Variants in CDH12 observed in about 807,000 individuals in gnomAD.
The protein encoded by CDH12 is cadherin-12.
Under a neutral mutation model 74.1 loss-of-function variants are expected in CDH12, and 41 were observed. The observed-to-expected ratio is 0.55, with a 90% CI of 0.43 to 0.72. CDH12 has a LOEUF of 0.72. Ranked by LOEUF, CDH12 falls within the 30% of genes least tolerant of loss-of-function variation. CDH12 has a pLI of 0.00. For synonymous variants in CDH12, 399 were observed against 355.0 expected, an observed-to-expected ratio of 1.12 and a Z score of -1.39; for missense variants, 945 against 977.2, an observed-to-expected ratio of 0.97 and a Z score of 0.44.
chr5:21,762,503 C>A (rs1388314217), intron 12 of CDH12, among the ~76,000 whole-genome samples: 1 of 152,036 alleles, frequency 6.6e-6, no homozygotes, highest in African/African-American at 2.4e-5. Context: ...ATATACATTT[C>A]TCATATATTA....
At chr5:22,238,938 C>T (rs1242685146) in intron 3 of CDH12, among the ~76,000 whole-genome samples, 2 of 152,154 alleles carry the variant, frequency 1.3e-5, no homozygotes, top group East Asian at 3.9e-4. Context: ...AGTATAACTA[C>T]ATATTAAATC....
intron 5 of CDH12, among the ~76,000 whole-genome samples, chr5:22,045,757 C>T (rs905784202): frequency 4.6e-5 from 7 of 151,928 alleles, no homozygotes; most frequent in South Asian, 2.1e-4. Context: ...CTCATGGAGG[C>T]GAAAGCAGAA....
chr5:22,308,338 C>T (rs1452530670), intron 3 of CDH12, among the ~76,000 whole-genome samples: 2 of 152,126 alleles, frequency 1.3e-5, no homozygotes, highest in Non-Finnish European at 2.9e-5. Context: ...AGACATTTCC[C>T]TAAGGATCAT....
chr5:21,841,559 G>A (rs1282500912), intron 8 of CDH12, among the ~76,000 whole-genome samples: 3 of 148,442 alleles, frequency 2.0e-5, no homozygotes, highest in Non-Finnish European at 3.0e-5. Flanking sequence ...ACATGCACAC[G>A]TATGTTTATT....
chr5:22,373,717 T>A (rs999275212), intron 3 of CDH12, among the ~76,000 whole-genome samples: 1 of 152,152 alleles, frequency 6.6e-6, no homozygotes, highest in Admixed American at 6.5e-5. Context: ...GAGACCACAC[T>A]CCTGCATGTA....
At position 22,665,916 on chromosome 5, in the gene CDH12, C is replaced by CT. The variant is rs199948826; in HGVS notation, c.-522-160553dup. Among the ~76,000 whole-genome samples, 1,183 of 151,564 alleles carry CT rather than the reference C, an allele frequency of 7.8e-3. 11 individuals are homozygous for CT. Among genetic ancestry groups the CT allele is most frequent in the African/African-American group, 0.024 (1,012 of 41,366 alleles). On this transcript the variant is annotated intron_variant, in intron 1 of 14. Transcript: ENST00000382254. Reference sequence around the variant, plus strand: ...TCATGGTGAAATGTTGAAGCTATTTCTTTTTTTTTCTTATGCAATCTCCTT... The same window carrying CT: ...TCATGGTGAAATGTTGAAGCTATTTCTTTTTTTTTTCTTATGCAATCTCCTT...
chr5:22,333,621 A>C (rs1250115794), intron 3 of CDH12, among the ~76,000 whole-genome samples: 1 of 152,198 alleles, frequency 6.6e-6, no homozygotes, highest in Non-Finnish European at 1.5e-5. Flanking sequence ...GGACACTATC[A>C]AATGCATTCT....
intron 3 of CDH12, among the ~76,000 whole-genome samples, chr5:22,322,925 A>G (rs139618615): frequency 0.013 from 1,959 of 152,294 alleles, 24 homozygotes; most frequent in Middle Eastern, 0.02. Context: ...ACTGAATTAA[A>G]ATATGATTTA....
At chr5:22,716,957 A>G (rs1366002181) in intron 1 of CDH12, among the ~76,000 whole-genome samples, 2 of 152,214 alleles carry the variant, frequency 1.3e-5, no homozygotes, top group Non-Finnish European at 2.9e-5. Flanking sequence ...GTATAGCTGT[A>G]CAATGTGTTT....
intron 1 of CDH12, among the ~76,000 whole-genome samples, chr5:22,787,797 G>A (rs1301894265): frequency 2.6e-5 from 4 of 152,118 alleles, no homozygotes; most frequent in Non-Finnish European, 1.5e-5. Flanking sequence ...TCACTCGCTG[G>A]TTTCCAGAGT....
At position 22,453,545 on chromosome 5, in the gene CDH12, A is replaced by T. The variant is rs144753719; in HGVS notation, c.-427-48194T>A. 3.1e-3 allele frequency among the ~76,000 whole-genome samples: 475 copies of T among 152,262 alleles called. 9 individuals carry two copies. The highest frequency in any genetic ancestry group is 2.5e-3 in the East Asian group (13 of 5,188). ...ATCTGTAAAATGATGATCCCATAGAAGTAGAGCATTAAATAGTGGTTACCA... is the reference window on the plus strand; with the variant it reads ...ATCTGTAAAATGATGATCCCATAGATGTAGAGCATTAAATAGTGGTTACCA... On this transcript the variant is annotated intron_variant, in intron 2 of 14. Transcript: ENST00000382254.
At position 21,833,344 on chromosome 5, in the gene CDH12, C is replaced by T. The variant is rs544359723; in HGVS notation, c.814+8817G>A. The stretch of plus-strand genomic sequence containing the variant: ...ATAATATATATTATATATTATATAA[C>T]ATATAATATATATTATATATTATAT... On this transcript the variant is annotated intron_variant, in intron 8 of 14. Transcript: ENST00000382254. Among the ~76,000 whole-genome samples the T allele has an allele frequency of 7.3e-3, 229 of 31,562 alleles. 21 individuals carry two copies. Among genetic ancestry groups the T allele is most frequent in the Non-Finnish European group, 8.8e-3 (180 of 20,454 alleles). The allele number at this position is 31,562 out of a possible 152,430, so 20.7% of individuals were successfully genotyped here.
At chr5:22,165,289 T>G (rs1748616065) in intron 4 of CDH12, among the ~76,000 whole-genome samples, 1 of 152,172 alleles carries the variant, frequency 6.6e-6, no homozygotes, top group Non-Finnish European at 1.5e-5. Context: ...CCCTTCACTT[T>G]CTCCATGACA....
chr5:22,341,724 C>T (rs79555601), intron 3 of CDH12, among the ~76,000 whole-genome samples: 3,549 of 152,158 alleles, frequency 0.023, 61 homozygotes, highest in Non-Finnish European at 0.037. Context: ...TTCATTATAT[C>T]AAATATTTTG....
chr5:22,080,501 C>T (rs889740154), intron 4 of CDH12, among the ~76,000 whole-genome samples: 10 of 151,936 alleles, frequency 6.6e-5, no homozygotes, highest in Non-Finnish European at 1.3e-4. Context: ...CGTAAGTTGT[C>T]TTTTTTTGCA....
intron 3 of CDH12, among the ~76,000 whole-genome samples, chr5:22,246,651 G>C (rs1213298519): frequency 1.3e-5 from 2 of 152,080 alleles, no homozygotes; most frequent in African/African-American, 4.8e-5. Flanking sequence ...TCTACATTTT[G>C]GCTAATTACG....
At chr5:21,828,814 C>T (rs1323016343) in intron 8 of CDH12, among the ~76,000 whole-genome samples, 1 of 151,636 alleles carries the variant, frequency 6.6e-6, no homozygotes, top group Admixed American at 6.6e-5. Context: ...TCAGGGACAA[C>T]CTAAAGCCAC....
intron 4 of CDH12, among the ~76,000 whole-genome samples, chr5:22,209,365 T>C (rs1751401852): frequency 6.6e-6 from 1 of 152,240 alleles, no homozygotes; most frequent in Non-Finnish European, 1.5e-5. Flanking sequence ...GTCTGTTTTT[T>C]CTGAAGTCTA....
At chr5:22,662,937 A>G (rs1168287377) in intron 1 of CDH12, among the ~76,000 whole-genome samples, 1 of 152,084 alleles carries the variant, frequency 6.6e-6, no homozygotes, top group Non-Finnish European at 1.5e-5. Context: ...ACAACAACTC[A>G]TTTTCTCTGC....
Sources: gnomAD v4.1 joint callset for allele counts (sites outside exome capture counted in the v4.1 genomes callset) on GRCh38, gnomAD v4.1.1 for gene constraint, MANE v1.5 for transcripts, NCBI Gene and HGNC (gene_info 2026-07-23, HGNC 2026-07-21) for gene names.